The following ACSS3 variants were observed in gnomAD, a reference collection of about 807,000 sequenced individuals.
ACSS3 encodes the protein acyl-CoA synthetase short-chain family member 3, mitochondrial.
In ACSS3, 64 loss-of-function variants were observed where a neutral mutation model predicts 84.2. The ratio of observed to expected loss-of-function variants is 0.76; its 90% CI spans 0.62 to 0.94. The LOEUF (loss-of-function observed/expected upper bound fraction) is 0.94, where lower values mean the gene tolerates loss of function less well. Ranked by LOEUF, ACSS3 falls within the 40% of genes least tolerant of loss-of-function variation. The pLI, the probability that ACSS3 is intolerant of heterozygous loss-of-function variation, is 0.00. For synonymous variants in ACSS3, 317 were observed against 310.1 expected (o/e 1.02, Z -0.23); for missense variants, 815 against 867.6 (o/e 0.94, Z 0.76).
chr12:81,169,089 A>G (rs538421301), intron 7 of ACSS3, among the ~76,000 whole-genome samples: 1 of 152,284 alleles, frequency 6.6e-6, no homozygotes, highest in African/African-American at 2.4e-5. Context: ...AATCATCCCA[A>G]GAAGTTCTAC....
chr12:81,078,860 C>A (rs578068237), intron 1 of ACSS3, among the ~76,000 whole-genome samples: 4 of 152,154 alleles, frequency 2.6e-5, no homozygotes, highest in African/African-American at 9.7e-5. Context: ...TCAATAAAAT[C>A]GCACCCCATA....
intron 1 of ACSS3, among the ~76,000 whole-genome samples, chr12:81,107,509 TAC>T (rs199987577): frequency 0.034 from 1,019 of 29,784 alleles, 149 homozygotes; most frequent in Middle Eastern, 0.088. Flanking sequence ...TACAAATATA[TAC>T]ATATATATAT....
At position 81,217,733 on chromosome 12, in the gene ACSS3, C is replaced by T. The variant is rs113621267; in HGVS notation, c.1450+737C>T. Reference sequence around the variant, plus strand: ...TGGTGTGCGCCTCTAACCCCAGCTACTTGGGAGGCTGAGGCACGAGAATTG... The same window carrying T: ...TGGTGTGCGCCTCTAACCCCAGCTATTTGGGAGGCTGAGGCACGAGAATTG... On this transcript the variant is annotated intron_variant, in intron 10 of 15. Coordinates refer to ENST00000548058, the MANE Select transcript of ACSS3 (RefSeq NM_024560.4). 4.3e-4 allele frequency among the ~76,000 whole-genome samples: 66 copies of T among 152,142 alleles called. 1 individual carries two copies. Among genetic ancestry groups the T allele is most frequent in the African/African-American group, 1.5e-3 (64 of 41,504 alleles).
chr12:81,125,291 C>T (rs996578489), intron 2 of ACSS3, among the ~76,000 whole-genome samples: 1 of 152,194 alleles, frequency 6.6e-6, no homozygotes, highest in African/African-American at 2.4e-5. Context: ...TATTTTCATT[C>T]ACTGATTAAC....
rs191047184 is a variant in ACSS3 at position 81,214,314 on chromosome 12, C to G, written c.1355-2587C>G. 5.9e-5 allele frequency among the ~76,000 whole-genome samples: 9 copies of G among 152,252 alleles called. No individual in the cohort carries two copies. In the East Asian group the frequency reaches 1.4e-3, roughly 23 times the overall value. On this transcript the variant is annotated intron_variant, in intron 9 of 15. Coordinates refer to ENST00000548058, the MANE Select transcript of ACSS3 (RefSeq NM_024560.4). Reference sequence around the variant, plus strand: ...GTGCTGGAATTACAGGCATGAGCCACTACGCCCAGCCAGCAATAGTTCTTT... The same window carrying G: ...GTGCTGGAATTACAGGCATGAGCCAGTACGCCCAGCCAGCAATAGTTCTTT...
At chr12:81,204,831 G>A (rs1309534634) in intron 9 of ACSS3, among the ~76,000 whole-genome samples, 1 of 152,120 alleles carries the variant, frequency 6.6e-6, no homozygotes, top group African/African-American at 2.4e-5. Context: ...AGCACTAGGT[G>A]ATTTTGTTGT....
At position 81,179,210 on chromosome 12, in the gene ACSS3, A is replaced by T. The variant is rs183719243; in HGVS notation, c.1250+4271A>T. Among the ~76,000 whole-genome samples the T allele has an allele frequency of 2.1e-3, 313 of 151,084 alleles. 4 individuals are homozygous for T. The Middle Eastern group carries it at 0.055, about 27-fold the overall frequency. ...AAAATCCTAGAAGAATTTATACAAAATAGCATTCTGGACATAGGCCCTGGC... is the reference window on the plus strand; with the variant it reads ...AAAATCCTAGAAGAATTTATACAAATTAGCATTCTGGACATAGGCCCTGGC... On this transcript the variant is annotated intron_variant, in intron 8 of 15. Coordinates refer to ENST00000548058, the MANE Select transcript of ACSS3 (RefSeq NM_024560.4).
In ACSS3 at chr12:81,216,958, C is replaced by T. The variant is rs754071136; in HGVS notation, c.1412C>T (p.Pro471Leu). ...GGATTAGGCAATTCTAAAACACCTC[C>T]ACCAGGGCAAGCAGGAAAAAGCGTC... The part of the protein sequence containing the change: ...CVGLGNSKTP[P>L]PGQAGKSVPG... Residue 471 changes from proline (P) to leucine (L), a missense_variant, in exon 10 of 16, where the codon CCA (proline) becomes CTA (leucine). Pro to Leu is a moderately conservative substitution (Grantham distance 98). Transcript: ENST00000548058. 6.2e-7 allele frequency: 1 copy of T among 1,611,354 alleles called. No homozygotes were observed. The highest frequency in any genetic ancestry group is 8.5e-7 in the Non-Finnish European group (1 of 1,178,138).
At position 81,220,855 on chromosome 12, in the gene ACSS3, T is replaced by A. The variant is rs1003668064; in HGVS notation, c.1514+779T>A. ...ATTTTCATCCCCAGTATAGGCTTCTTAGCATTTTTTGAATTTTGATGATTA... is the reference window on the plus strand; with the variant it reads ...ATTTTCATCCCCAGTATAGGCTTCTAAGCATTTTTTGAATTTTGATGATTA... On this transcript the variant is annotated intron_variant, in intron 11 of 15. Coordinates refer to ENST00000548058, the MANE Select transcript of ACSS3 (RefSeq NM_024560.4). Among the ~76,000 whole-genome samples, 26 of 152,050 alleles carry A rather than the reference T, an allele frequency of 1.7e-4. 1 individual carries two copies. The highest frequency in any genetic ancestry group is 6.3e-4 in the African/African-American group (26 of 41,438).
At chr12:81,214,189 C>T (rs2135937534) in intron 9 of ACSS3, among the ~76,000 whole-genome samples, 2 of 151,814 alleles carry the variant, frequency 1.3e-5, no homozygotes, top group South Asian at 4.2e-4. Flanking sequence ...CCACGCCTGG[C>T]TAATTTTTGT....
chr12:81,078,166 G>A lies in ACSS3; in HGVS notation c.46G>A (p.Gly16Arg). Residue 16 changes from glycine to arginine, a missense_variant, in exon 1 of 16, where the codon GGG becomes AGG. Coordinates refer to ENST00000548058, the MANE Select transcript of ACSS3 (RefSeq NM_024560.4). ...LQCRKVTSAG[G>R]LGGPLPGSSP... ...GTGTCGTAAAGTCACCAGCGCCGGG[G>A]GGCTCGGAGGGCCCTTGCCTGGGTC... The A allele has an allele frequency of 6.6e-7, 1 of 1,519,442 alleles. No homozygotes were observed. The highest frequency in any genetic ancestry group is 8.8e-7 in the Non-Finnish European group (1 of 1,138,538). 94.1% of individuals were successfully genotyped at this position (1,519,442 alleles called of 1,614,324 possible).
In ACSS3 at chr12:81,084,841, G is replaced by A. The variant is rs111369451; in HGVS notation, c.311+6410G>A. On this transcript the variant is annotated intron_variant, in intron 1 of 15. Transcript: ENST00000548058. The stretch of plus-strand genomic sequence containing the variant: ...AAAAAAATATCTGCTGTGACTCAGA[G>A]ATTCTTGATGACTTTCTATAATATG... Among the ~76,000 whole-genome samples, 954 of 152,316 alleles carry A rather than the reference G, an allele frequency of 6.3e-3. 8 individuals are homozygous for A. The highest frequency in any genetic ancestry group is 0.018 in the African/African-American group (731 of 41,570).
At chr12:81,081,070 G>A (rs1218487783) in intron 1 of ACSS3, among the ~76,000 whole-genome samples, 1 of 152,166 alleles carries the variant, frequency 6.6e-6, no homozygotes, top group Non-Finnish European at 1.5e-5. Context: ...GCTTCCCAGA[G>A]GCAAGAGCGA....
chr12:81,109,500 A>G (rs1369409406), intron 1 of ACSS3, 60 bp from the exon 2 acceptor site: 7 of 1,551,966 alleles, frequency 4.5e-6, no homozygotes, highest in African/African-American at 4.1e-5. Flanking sequence ...TAATAACTTC[A>G]TTAAGTGACA....
chr12:81,123,844 C>T (rs958322773), intron 2 of ACSS3, among the ~76,000 whole-genome samples: 2 of 152,154 alleles, frequency 1.3e-5, no homozygotes, highest in Admixed American at 6.5e-5. Flanking sequence ...ATATGTACCA[C>T]ATTTTCTTTA....
rs1213057828 is a variant in ACSS3, at chr12:81,244,873, T to C, written c.1720-8434T>C. ...TTCCAATATTCCTGTCATATGAAAC[T>C]CTGTTTCTAATGCTTCTTCAGTCTA... On this transcript the variant is annotated intron_variant, in intron 13 of 15. Transcript: ENST00000548058. 2.0e-5 allele frequency among the ~76,000 whole-genome samples: 3 copies of C among 151,892 alleles called. No individual in the cohort carries two copies. The East Asian group carries it at 5.8e-4, about 29-fold the overall frequency.
At chr12:81,177,201 C>G (rs891361024) in intron 8 of ACSS3, among the ~76,000 whole-genome samples, 2 of 152,094 alleles carry the variant, frequency 1.3e-5, no homozygotes, top group African/African-American at 4.8e-5. Flanking sequence ...CTACAGCCAA[C>G]AATATACTGA....
intron 2 of ACSS3, 96 bp from the exon 3 acceptor site, chr12:81,134,720 C>A: frequency 8.8e-7 from 1 of 1,132,562 alleles, no homozygotes; most frequent in Non-Finnish European, 1.2e-6. Context: ...AATCTACTAC[C>A]AAGCGGGTGA....
chr12:81,091,571 C>A (rs1405407242), intron 1 of ACSS3, among the ~76,000 whole-genome samples: 1 of 151,744 alleles, frequency 6.6e-6, no homozygotes, highest in Non-Finnish European at 1.5e-5. Context: ...CTTAGTAGAC[C>A]TAATTTGATG....
Sources: gnomAD v4.1 joint callset for allele counts (sites outside exome capture counted in the v4.1 genomes callset) on GRCh38, gnomAD v4.1.1 for gene constraint, MANE v1.5 for transcripts, NCBI Gene and HGNC (gene_info 2026-07-23, HGNC 2026-07-21) for gene names.